GLIS3: variants seen among roughly 807,000 people sequenced by gnomAD.
The protein encoded by GLIS3 is zinc finger protein GLIS3.
Under a neutral mutation model 78.6 loss-of-function variants are expected in GLIS3, and 53 were observed. The observed-to-expected ratio is 0.67, with a 90% CI of 0.54 to 0.85. The LOEUF is 0.85. Among genes scored for constraint, GLIS3 ranks in the 40% least tolerant of loss-of-function variants. The pLI, the probability that GLIS3 is intolerant of heterozygous loss-of-function variation, is 0.00. For missense variants in GLIS3, 1,703 were observed against 1,231.1 expected (o/e 1.38, Z -5.74); for synonymous variants, 684 against 509.9 (o/e 1.34, Z -4.60).
intron 2 of GLIS3, among the ~76,000 whole-genome samples, chr9:4,216,299 C>G (rs936417735): frequency 6.6e-6 from 1 of 151,690 alleles, no homozygotes; most frequent in South Asian, 2.1e-4. Context: ...GGTGAAACCC[C>G]GCCTCTACTA....
chr9:3,906,821 A>G (rs924943142), intron 6 of GLIS3, among the ~76,000 whole-genome samples: 1 of 152,228 alleles, frequency 6.6e-6, no homozygotes, highest in African/African-American at 2.4e-5. Flanking sequence ...GCACCTCCAT[A>G]CTGTGACTGT....
the GLIS3 span, among the ~76,000 whole-genome samples, chr9:4,422,443 G>T: frequency 1.3e-5 from 2 of 152,204 alleles, no homozygotes; most frequent in Admixed American, 1.3e-4. Flanking sequence ...ATAAAAAGAA[G>T]ACATGGTTTC....
intron 6 of GLIS3, among the ~76,000 whole-genome samples, chr9:3,925,502 T>C (rs1825155720): frequency 6.6e-6 from 1 of 152,210 alleles, no homozygotes; most frequent in Non-Finnish European, 1.5e-5. Context: ...TCCCCATGTC[T>C]GTATGGGTTT....
At chr9:3,850,642 T>TAAA (rs1819369385) in intron 9 of GLIS3, among the ~76,000 whole-genome samples, 1 of 152,226 alleles carries the variant, frequency 6.6e-6, no homozygotes, top group African/African-American at 2.4e-5. Flanking sequence ...TTGACTTTCC[T>TAAA]AAAATACTGG....
chr9:3,924,713 G>A (rs769513657), intron 6 of GLIS3, among the ~76,000 whole-genome samples: 3 of 152,214 alleles, frequency 2.0e-5, no homozygotes, highest in Non-Finnish European at 2.9e-5. Flanking sequence ...TTGCACAAAG[G>A]ACATGAATAC....
At chr9:4,294,021 G>A (rs745631245) in intron 1 of GLIS3, among the ~76,000 whole-genome samples, 2 of 152,050 alleles carry the variant, frequency 1.3e-5, no homozygotes, top group African/African-American at 2.4e-5. Context: ...TCTACAAACC[G>A]CCTTAGAGTC....
chr9:4,121,984 T>A (rs905062820), intron 3 of GLIS3, among the ~76,000 whole-genome samples: 1 of 152,270 alleles, frequency 6.6e-6, no homozygotes, highest in Non-Finnish European at 1.5e-5. Context: ...GCAATCTCCA[T>A]TTCCATATGC....
chr9:4,478,448 TAAAAATAC>T, the GLIS3 span, among the ~76,000 whole-genome samples: 1 of 152,018 alleles, frequency 6.6e-6, no homozygotes, highest in Non-Finnish European at 1.5e-5. Context: ...CCCTCTCTAC[TAAAAATAC>T]AAAAATTAGT....
the GLIS3 span, among the ~76,000 whole-genome samples, chr9:4,375,845 G>A: frequency 3.0e-3 from 457 of 152,168 alleles, 2 homozygotes; most frequent in African/African-American, 8.3e-3. Context: ...CTCTCCTGTC[G>A]TGATAGTAAG....
chr9:4,425,466 G>A, the GLIS3 span, among the ~76,000 whole-genome samples: 1 of 152,154 alleles, frequency 6.6e-6, no homozygotes, highest in Non-Finnish European at 1.5e-5. Context: ...GGAATGGCAG[G>A]GCCTGCCAGG....
At chr9:4,430,282 C>A in the GLIS3 span, among the ~76,000 whole-genome samples, 2 of 152,178 alleles carry the variant, frequency 1.3e-5, no homozygotes, top group Non-Finnish European at 2.9e-5. Flanking sequence ...TTTAGATCAT[C>A]CTATGTTTTT....
Position 4,118,738 on chromosome 9 carries a change from T to A in GLIS3, c.740A>T (p.Asp247Val), listed in dbSNP as rs1424996043. 1 of 1,613,894 alleles carries A rather than the reference T, an allele frequency of 6.2e-7. No homozygotes were observed. The highest frequency in any genetic ancestry group is 1.7e-5 in the Admixed American group (1 of 60,010). Residue 247 changes from aspartate (D) to valine (V), a missense_variant, in exon 4 of 11, where the codon GAT (aspartate) becomes GTT (valine). By Grantham distance (152) the Asp-to-Val change is radical. Coordinates refer to ENST00000381971, the MANE Select transcript of GLIS3 (RefSeq NM_001042413.2). The surrounding 1 kb of genome is among the most constrained non-coding windows in gnomAD (Gnocchi z 4.7). ...LSNHGSQNGL[D>V]LGDLLSLPPG... The stretch of plus-strand genomic sequence containing the variant: ...AGGAAGGCTAAGGAGATCCCCTAGA[T>A]CAAGGCCATTCTGAGAGCCGTGGTT...
chr9:4,285,926 T>C (rs769106720), intron 2 of GLIS3, 112 bp downstream of exon 2: 1 of 1,310,202 alleles, frequency 7.6e-7, no homozygotes, highest in African/African-American at 1.5e-5. Context: ...ACCATCATCT[T>C]TGACCCTGAC....
intron 4 of GLIS3, among the ~76,000 whole-genome samples, chr9:3,995,477 G>A (rs1563930633): frequency 6.6e-6 from 1 of 151,916 alleles, no homozygotes; most frequent in Non-Finnish European, 1.5e-5. Flanking sequence ...AAAACACAGT[G>A]TAGAAAATAA....
chr9:4,152,101 C>G, intron 2 of GLIS3: 1 of 975,796 alleles, frequency 1.0e-6, no homozygotes, highest in Non-Finnish European at 1.2e-6. Context: ...TATTTTTCTA[C>G]GGCCATTCAA....
chr9:4,129,078 T>C (rs1832775470), intron 2 of GLIS3, among the ~76,000 whole-genome samples: 1 of 152,194 alleles, frequency 6.6e-6, no homozygotes, highest in Non-Finnish European at 1.5e-5. Context: ...GCAACATCTG[T>C]CTCACACATG....
At chr9:4,114,502 T>A (rs145707579) in intron 4 of GLIS3, among the ~76,000 whole-genome samples, 3 of 152,208 alleles carry the variant, frequency 2.0e-5, no homozygotes, top group Non-Finnish European at 4.4e-5. Context: ...TCAACAGTTA[T>A]AGCTGATAAT....
chr9:4,345,965 C>G (rs948394929), intron 2 of GLIS3, among the ~76,000 whole-genome samples: 2 of 151,952 alleles, frequency 1.3e-5, no homozygotes, highest in African/African-American at 4.8e-5. Flanking sequence ...TCAAAAAGAA[C>G]AAATAAAATA....
the GLIS3 span, among the ~76,000 whole-genome samples, chr9:4,388,372 G>T: frequency 6.6e-6 from 1 of 151,960 alleles, no homozygotes; most frequent in Admixed American, 6.6e-5. Flanking sequence ...TACCTCCAGG[G>T]TTTATCTTAA....
Sources: gnomAD v4.1 joint callset for allele counts (sites outside exome capture counted in the v4.1 genomes callset) on GRCh38, gnomAD v4.1.1 for gene constraint, Gnocchi (gnomAD v3.1) non-coding constraint, MANE v1.5 for transcripts, NCBI Gene and HGNC (gene_info 2026-07-23, HGNC 2026-07-21) for gene names.